COQ3: variants seen among roughly 807,000 people sequenced by gnomAD.
COQ3 encodes the protein coenzyme Q3, methyltransferase.
COQ3 carries 29 observed loss-of-function variants against 33.1 expected under a neutral mutation model. The observed-to-expected ratio is 0.88, with a 90% CI of 0.65 to 1.19. The LOEUF (loss-of-function observed/expected upper bound fraction) is 1.19, where lower values mean the gene tolerates loss of function less well. Ranked by LOEUF, COQ3 falls within the 50% of genes most tolerant of loss-of-function variation. COQ3 has a pLI of 0.00. For synonymous variants in COQ3, 173 were observed against 157.8 expected, an observed-to-expected ratio of 1.10 and a Z score of -0.72; for missense variants, 437 against 430.7, an observed-to-expected ratio of 1.01 and a Z score of -0.13.
intron 1 of COQ3, among the ~76,000 whole-genome samples, chr6:99,388,933 A>ACCCC (rs1213807730): frequency 5.7e-5 from 3 of 52,336 alleles, no homozygotes; most frequent in South Asian, 1.1e-3. Context: ...ACACACACAC[A>ACCCC]CCCACATCCT....
At position 99,369,663 on chromosome 6, in the gene COQ3, T is replaced by G. The variant is rs1274270975; in HGVS notation, c.1047A>C (p.Glu349Asp). ...AGGCATTAGCTTGGAGCTCTTCTGT[T>G]TCTCCCTTTAAAACAAACTCAGCAG... The part of the protein sequence containing the change: ...PASAEFVLKG[E>D]TEELQANACT... The change falls in exon 7 of 7, where the codon GAA (glutamate) becomes GAC (aspartate). Residue 349 changes from glutamate (E) to aspartate (D), a missense_variant. Transcript: ENST00000254759. 6.2e-7 allele frequency: 1 copy of G among 1,614,172 alleles called. No homozygotes were observed. The highest frequency in any genetic ancestry group is 1.1e-5 in the South Asian group (1 of 91,080).
At chr6:99,381,900 T>C (rs1202885969) in intron 2 of COQ3, among the ~76,000 whole-genome samples, 1 of 143,074 alleles carries the variant, frequency 7.0e-6, no homozygotes, top group Non-Finnish European at 1.5e-5. Flanking sequence ...CACTCCAGCC[T>C]GGGTGAAAGA....
intron 3 of COQ3, among the ~76,000 whole-genome samples, chr6:99,379,570 T>C (rs1774408708): frequency 6.6e-6 from 1 of 152,148 alleles, no homozygotes; most frequent in African/African-American, 2.4e-5. Flanking sequence ...TAAAATGGCC[T>C]TGGGCCAGGC....
In COQ3 at chr6:99,390,374, C is replaced by T. The variant is rs550190281; in HGVS notation, c.106+3700G>A. Among the ~76,000 whole-genome samples, 8 of 150,586 alleles carry T rather than the reference C, an allele frequency of 5.3e-5. 1 individual carries two copies. The South Asian group carries it at 1.5e-3, about 28-fold the overall frequency. On this transcript the variant is annotated intron_variant, in intron 1 of 6. Coordinates refer to ENST00000254759, the MANE Select transcript of COQ3 (RefSeq NM_017421.4). ...TTTGAGACGGAGTCTTGCTCTGTCG[C>T]CCAGGCTGGAGTGCAGTGGCGAGAT...
intron 3 of COQ3, 65 bp from the exon 4 acceptor site, chr6:99,377,550 G>A: frequency 8.7e-7 from 1 of 1,148,734 alleles, no homozygotes. Context: ...AAGTCACAAA[G>A]TGTGTAGTTT....
intron 2 of COQ3, 23 bp from the exon 3 acceptor site, chr6:99,380,364 C>T (rs776165532): frequency 3.1e-6 from 5 of 1,609,868 alleles, no homozygotes; most frequent in Non-Finnish European, 3.4e-6. Context: ...AATGAAGAAC[C>T]AAGCAAATAC....
chr6:99,391,325 A>G (rs1343233511), intron 1 of COQ3, among the ~76,000 whole-genome samples: 2 of 151,612 alleles, frequency 1.3e-5, no homozygotes, highest in Non-Finnish European at 2.9e-5. Context: ...GCTGGTTTCA[A>G]ACTCCTGAGC....
rs183814578 is a variant in COQ3, at chr6:99,380,180, G to A, written c.386+9C>T. 3.1e-3 allele frequency: 5,056 copies of A among 1,610,530 alleles called. 20 individuals are homozygous for A. The highest frequency in any genetic ancestry group is 2.8e-3 in the Non-Finnish European group (3,329 of 1,177,718). ...CATTTAAAAAGACTTAGAGTTTCTG[G>A]AGTGTTACCTAATAAATGGCACCCT... On this transcript the variant is annotated intron_variant, in intron 3 of 6. Transcript: ENST00000254759.
chr6:99,376,424 TGAA>T (rs1406037855), intron 4 of COQ3, among the ~76,000 whole-genome samples: 5 of 152,162 alleles, frequency 3.3e-5, no homozygotes, highest in Admixed American at 1.3e-4. Context: ...AAAAACTACT[TGAA>T]GACAGTGAAA....
At chr6:99,393,519 A>T (rs182322326) in intron 1 of COQ3, among the ~76,000 whole-genome samples, 1 of 152,346 alleles carries the variant, frequency 6.6e-6, no homozygotes, top group Non-Finnish European at 1.5e-5. Context: ...GATGAGCTTA[A>T]GTTTCTACTT....
intron 5 of COQ3, among the ~76,000 whole-genome samples, chr6:99,374,581 G>GTAA (rs1198135635): frequency 2.0e-5 from 3 of 152,118 alleles, no homozygotes; most frequent in Admixed American, 6.6e-5. Flanking sequence ...AGTCAGTATA[G>GTAA]TAATAATAAT....
intron 6 of COQ3, among the ~76,000 whole-genome samples, chr6:99,370,994 T>G (rs1016114021): frequency 1.3e-5 from 2 of 152,070 alleles, no homozygotes; most frequent in African/African-American, 4.8e-5. Flanking sequence ...CATAAAGTCA[T>G]GCTGTAAGTA....
At chr6:99,382,331 G>C (rs1774496488) in intron 2 of COQ3, among the ~76,000 whole-genome samples, 1 of 152,164 alleles carries the variant, frequency 6.6e-6, no homozygotes, top group African/African-American at 2.4e-5. Flanking sequence ...ATCCTTCAAA[G>C]GGCTGCTCAG....
Position 99,375,982 on chromosome 6 carries a change from A to C in COQ3, c.687T>G (p.Ile229Met). The part of the protein sequence containing the change: ...VVASEVVEHV[I>M]DLETFLQCCC... ...AGCACTGTAAAAATGTTTCTAGATC[A>C]ATCACATGTTCTACAACTTCAGAAG... The change falls in exon 5 of 7, where the codon ATT becomes ATG. Residue 229 changes from isoleucine (I) to methionine (M), a missense_variant. Ile to Met is a conservative substitution (Grantham distance 10, BLOSUM62 1). Coordinates refer to ENST00000254759, the MANE Select transcript of COQ3 (RefSeq NM_017421.4). The C allele has an allele frequency of 3.1e-6, 5 of 1,614,078 alleles. No individual in the cohort carries two copies. The highest frequency in any genetic ancestry group is 4.2e-6 in the Non-Finnish European group (5 of 1,179,936).
At chr6:99,382,015 A>G (rs911949866) in intron 2 of COQ3, among the ~76,000 whole-genome samples, 1 of 150,956 alleles carries the variant, frequency 6.6e-6, no homozygotes, top group Non-Finnish European at 1.5e-5. Context: ...CTCCTATACC[A>G]CTTTGTACTT....
chr6:99,387,812 T>C (rs772014169), intron 1 of COQ3, among the ~76,000 whole-genome samples: 1 of 152,204 alleles, frequency 6.6e-6, no homozygotes, highest in Non-Finnish European at 1.5e-5. Flanking sequence ...CTATTGTCTA[T>C]GTAGAAAATA....
intron 3 of COQ3, among the ~76,000 whole-genome samples, chr6:99,379,285 G>A (rs1359101043): frequency 6.6e-6 from 1 of 152,128 alleles, no homozygotes; most frequent in African/African-American, 2.4e-5. Flanking sequence ...CAATTTGGAT[G>A]CTTTTCTAAT....
intron 1 of COQ3, among the ~76,000 whole-genome samples, chr6:99,384,095 G>T (rs1774549756): frequency 6.6e-6 from 1 of 151,476 alleles, no homozygotes; most frequent in Non-Finnish European, 1.5e-5. Context: ...GTTGAGATGG[G>T]GTCTCTCTAT....
At chr6:99,387,108 G>A (rs1038469964) in intron 1 of COQ3, among the ~76,000 whole-genome samples, 1 of 152,084 alleles carries the variant, frequency 6.6e-6, no homozygotes, top group Non-Finnish European at 1.5e-5. Context: ...TGCAACACTA[G>A]TTCAATGTTA....
Sources: allele counts gnomAD v4.1 joint callset (sites outside exome capture counted in the v4.1 genomes callset), GRCh38; gene constraint gnomAD v4.1.1; transcripts MANE v1.5; gene names NCBI Gene and HGNC (gene_info 2026-07-23, HGNC 2026-07-21).